CCDC68: variants seen among roughly 807,000 people sequenced by gnomAD.
CCDC68 encodes the protein coiled-coil domain containing 68.
Under a neutral mutation model 47.1 loss-of-function variants are expected in CCDC68, and 45 were observed. That is an observed-to-expected ratio of 0.96 (90% CI 0.75 to 1.23). CCDC68 has a LOEUF of 1.23. Ranked by LOEUF, CCDC68 falls within the 50% of genes most tolerant of loss-of-function variation. CCDC68 has a pLI of 0.00. For synonymous variants in CCDC68, 131 were observed against 129.5 expected (o/e 1.01, Z -0.08); for missense variants, 353 against 373.6 (o/e 0.94, Z 0.45).
chr18:54,948,736 C>T (rs982240586), intron 1 of CCDC68, among the ~76,000 whole-genome samples: 10 of 152,194 alleles, frequency 6.6e-5, no homozygotes, highest in South Asian at 2.1e-4. Flanking sequence ...ATTAAACAAA[C>T]GAGTAAATAT....
At chr18:54,922,603 A>T (rs1323374509) in intron 8 of CCDC68, among the ~76,000 whole-genome samples, 2 of 152,152 alleles carry the variant, frequency 1.3e-5, no homozygotes, top group Non-Finnish European at 2.9e-5. Flanking sequence ...CTGTAATTCA[A>T]GCAATCTGGG....
At chr18:54,953,539 C>CAT (rs1399484282) in intron 1 of CCDC68, among the ~76,000 whole-genome samples, 16 of 145,984 alleles carry the variant, frequency 1.1e-4, no homozygotes, top group Admixed American at 2.0e-4. Flanking sequence ...CACACACACA[C>CAT]ATATATATAT....
intron 8 of CCDC68, 100 bp from the exon 9 acceptor site, chr18:54,919,476 G>A: frequency 2.1e-6 from 2 of 968,282 alleles, no homozygotes; most frequent in Non-Finnish European, 3.3e-6. Flanking sequence ...TACTGCTACT[G>A]GGGATCAGTT....
chr18:54,950,972 G>C (rs1346282968), intron 1 of CCDC68, among the ~76,000 whole-genome samples: 1 of 125,422 alleles, frequency 8.0e-6, no homozygotes, highest in East Asian at 2.5e-4. Context: ...GCAGTGGCGC[G>C]ATCTCGGCTC....
chr18:54,941,367 G>A (rs2044434249), intron 3 of CCDC68, among the ~76,000 whole-genome samples: 1 of 152,050 alleles, frequency 6.6e-6, no homozygotes, highest in Admixed American at 6.5e-5. Context: ...TTAGTAATTA[G>A]TACTTAATAC....
chr18:54,919,002 G>A (rs886114711), intron 9 of CCDC68, among the ~76,000 whole-genome samples: 8 of 152,180 alleles, frequency 5.3e-5, no homozygotes, highest in African/African-American at 1.4e-4. Flanking sequence ...ACATTATTTG[G>A]CGCAGAAGAC....
intron 1 of CCDC68, chr18:54,954,281 TC>T (rs2044675501): frequency 6.6e-6 from 1 of 152,062 alleles, no homozygotes; most frequent in Non-Finnish European, 1.5e-5. Context: ...GGTCTCAAAC[TC>T]CTGACCTCAG....
chr18:54,912,949 C>G (rs868535636), intron 10 of CCDC68, among the ~76,000 whole-genome samples: 9 of 152,226 alleles, frequency 5.9e-5, no homozygotes, highest in Admixed American at 1.3e-4. Flanking sequence ...ATTCAAAGAT[C>G]TCCCACAGGG....
intron 1 of CCDC68, among the ~76,000 whole-genome samples, chr18:54,946,233 C>T (rs771761873): frequency 2.6e-4 from 40 of 152,278 alleles, no homozygotes; most frequent in Non-Finnish European, 4.7e-4. Flanking sequence ...TCTTTTATGT[C>T]GCTTTGGCGC....
chr18:54,935,864 T>C (rs1003585806), intron 6 of CCDC68, among the ~76,000 whole-genome samples: 11 of 152,102 alleles, frequency 7.2e-5, no homozygotes, highest in Non-Finnish European at 1.5e-4. Context: ...TTTATAGTTT[T>C]AATTTTGGCA....
At chr18:54,915,527 C>G (rs2043929675) in intron 10 of CCDC68, among the ~76,000 whole-genome samples, 1 of 152,224 alleles carries the variant, frequency 6.6e-6, no homozygotes, top group African/African-American at 2.4e-5. Context: ...CCCAGCTATG[C>G]TGATTTGGTA....
At chr18:54,952,533 G>A (rs1037145432) in intron 1 of CCDC68, among the ~76,000 whole-genome samples, 6 of 152,280 alleles carry the variant, frequency 3.9e-5, no homozygotes, top group East Asian at 1.9e-4. Flanking sequence ...GAGCTGCTGC[G>A]GACAACAGCT....
intron 1 of CCDC68, among the ~76,000 whole-genome samples, chr18:54,952,645 C>T (rs1033335702): frequency 6.6e-6 from 1 of 152,152 alleles, no homozygotes; most frequent in African/African-American, 2.4e-5. Flanking sequence ...ATAAAACCTG[C>T]ACACAAATGT....
At chr18:54,938,301 T>C (rs2044383112) in intron 4 of CCDC68, among the ~76,000 whole-genome samples, 1 of 152,242 alleles carries the variant, frequency 6.6e-6, no homozygotes, top group African/African-American at 2.4e-5. Flanking sequence ...GATTCTTATA[T>C]TGAAAGAGTT....
At chr18:54,946,844 T>A (rs1027642228) in intron 1 of CCDC68, among the ~76,000 whole-genome samples, 2 of 151,550 alleles carry the variant, frequency 1.3e-5, no homozygotes, top group Admixed American at 6.6e-5. Context: ...TTTTTTTTTT[T>A]AAATGCCTGC....
In CCDC68 at chr18:54,933,869, A is replaced by G. The variant is rs540199163; in HGVS notation, c.600+951T>C. Among the ~76,000 whole-genome samples, 15 of 152,364 alleles carry G rather than the reference A, an allele frequency of 9.8e-5. No individual in the cohort carries two copies. In the South Asian group the frequency reaches 3.1e-3, roughly 32 times the overall value. ...ACAAATTCAACCAAATCACAATGTC[A>G]TAAAACTTTAAATTCTTGGGAAACA... On this transcript the variant is annotated intron_variant, in intron 7 of 11. Coordinates refer to ENST00000591504, the MANE Select transcript of CCDC68 (RefSeq NM_025214.3).
At chr18:54,945,965 C>G (rs1309259540) in intron 1 of CCDC68, among the ~76,000 whole-genome samples, 1 of 152,136 alleles carries the variant, frequency 6.6e-6, no homozygotes, top group Non-Finnish European at 1.5e-5. Flanking sequence ...GGAGCTCAAT[C>G]CAGTTTCCCT....
chr18:54,926,873 G>A (rs1342676634), intron 8 of CCDC68, among the ~76,000 whole-genome samples: 1 of 152,152 alleles, frequency 6.6e-6, no homozygotes, highest in Non-Finnish European at 1.5e-5. Flanking sequence ...TCCCAGAAAG[G>A]TGAATGAAAG....
At chr18:54,946,372 G>T (rs989097364) in intron 1 of CCDC68, among the ~76,000 whole-genome samples, 3 of 152,160 alleles carry the variant, frequency 2.0e-5, no homozygotes, top group Non-Finnish European at 4.4e-5. Flanking sequence ...CAAGGAGTGG[G>T]GGCAGGACCA....
Sources: gnomAD v4.1 joint callset for allele counts (sites outside exome capture counted in the v4.1 genomes callset) on GRCh38, gnomAD v4.1.1 for gene constraint, MANE v1.5 for transcripts, NCBI Gene and HGNC (gene_info 2026-07-23, HGNC 2026-07-21) for gene names.